The following RYR1 variants were observed in gnomAD, a reference collection of about 807,000 sequenced individuals.
The protein encoded by RYR1 is central core disease of muscle.
In RYR1, 342 loss-of-function variants were observed where a neutral mutation model predicts 583.5. The ratio of observed to expected loss-of-function variants is 0.59; its 90% CI spans 0.54 to 0.64. The LOEUF (loss-of-function observed/expected upper bound fraction) is 0.64. Ranked by LOEUF, RYR1 falls within the 30% of genes least tolerant of loss-of-function variation. The pLI, the probability that RYR1 is intolerant of heterozygous loss-of-function variation, is 0.00. For missense variants in RYR1, 6,032 were observed against 6,917.2 expected (o/e 0.87, Z 4.54); for synonymous variants, 2,791 against 2,822.5 (o/e 0.99, Z 0.35).
intron 38 of RYR1, 145 bp from the exon 39 acceptor site, chr19:38,494,206 CT>C: frequency 1.2e-6 from 1 of 864,118 alleles, no homozygotes; most frequent in Non-Finnish European, 1.9e-6. Flanking sequence ...TAGAATCTGC[CT>C]GCTCCCAGCA....
At position 38,546,504 on chromosome 19, in the gene RYR1, G is replaced by A. The variant is rs1334733640; in HGVS notation, c.12072G>A (p.Val4024=). 5.0e-6 allele frequency: 8 copies of A among 1,613,532 alleles called. No homozygotes were observed. The highest frequency in any genetic ancestry group is 3.3e-5 in the Admixed American group (2 of 59,904). ...TGGATCTGCAGAAGGACATGGTGGTGATGTTGCTGTCGCTACTAGAAGGTA... is the reference window on the plus strand; with the variant it reads ...TGGATCTGCAGAAGGACATGGTGGTAATGTTGCTGTCGCTACTAGAAGGTA... ...ELLDLQKDMV[V]MLLSLLEGNV... is the part of the protein sequence containing the mutation. The change falls in exon 88 of 106, where the codon GTG becomes GTA. Residue 4024 remains valine (V), a synonymous_variant. Transcript: ENST00000359596.
chr19:38,504,516 TG>T (rs1970351019), intron 50 of RYR1, among the ~76,000 whole-genome samples, 156 bp downstream of exon 50: 1 of 152,054 alleles, frequency 6.6e-6, no homozygotes. Flanking sequence ...GGCTTCGATT[TG>T]GAGGTTATGA....
chr19:38,536,728 C>T (rs754309691), intron 82 of RYR1, 22 bp from the exon 83 acceptor site: 2 of 1,613,916 alleles, frequency 1.2e-6, no homozygotes, highest in Non-Finnish European at 8.5e-7. Context: ...GCTTCCTCCT[C>T]CCATCCTGTT....
intron 89 of RYR1, among the ~76,000 whole-genome samples, chr19:38,557,895 G>A (rs1263077507): frequency 1.3e-5 from 2 of 151,714 alleles, no homozygotes; most frequent in South Asian, 2.1e-4. Context: ...CAGGAGAATC[G>A]CTTGAACCCG....
At chr19:38,556,817 G>T (rs148342732) in intron 89 of RYR1, among the ~76,000 whole-genome samples, 1 of 152,120 alleles carries the variant, frequency 6.6e-6, no homozygotes, top group Non-Finnish European at 1.5e-5. Flanking sequence ...CGTCCTTGTG[G>T]TGTCATTTCA....
In RYR1 at chr19:38,535,928, C is replaced by T. The variant is rs555760946; in HGVS notation, c.11517-69C>T. Reference sequence around the variant, plus strand: ...TCCAGGCTACCATGGTGGGGAGCTGCCAGGCCCTGGGAGAGAGGAGGGCAG... The same window carrying T: ...TCCAGGCTACCATGGTGGGGAGCTGTCAGGCCCTGGGAGAGAGGAGGGCAG... On this transcript the variant is annotated intron_variant, in intron 81 of 105. Transcript: ENST00000359596. The T allele has an allele frequency of 6.2e-6, 9 of 1,441,936 alleles. No homozygotes were observed. In the East Asian group the frequency reaches 2.1e-4, roughly 33 times the overall value. 89.3% of individuals were successfully genotyped at this position (1,441,936 alleles called of 1,614,324 possible).
rs1440143637 is a variant in RYR1 at position 38,510,513 on chromosome 19, G to A, written c.8948G>A (p.Ser2983Asn). 1 of 1,614,204 alleles carries A rather than the reference G, an allele frequency of 6.2e-7. No individual in the cohort carries two copies. The highest frequency in any genetic ancestry group is 1.1e-5 in the South Asian group (1 of 91,088). Residue 2983 changes from serine (S) to asparagine (N), a missense_variant, in exon 59 of 106, where the codon AGT becomes AAT. Around this residue, in one of 11 missense-constraint regions of RYR1, gnomAD observed 1,493 missense variants for 1,715.5 expected, o/e 0.87. Transcript: ENST00000359596. Reference sequence around the variant, plus strand: ...CTCCCTACAGAGGCTGTGGTCAGCAGTGGGCGAGTGGAAAAGTCCCCACAT... The same window carrying A: ...CTCCCTACAGAGGCTGTGGTCAGCAATGGGCGAGTGGAAAAGTCCCCACAT... ...FIAHLEAVVS[S>N]GRVEKSPHEQ...
intron 83 of RYR1, 22 bp downstream of exon 83, chr19:38,536,789 CG>C (rs760768421): frequency 1.2e-6 from 2 of 1,613,526 alleles, no homozygotes; most frequent in South Asian, 2.2e-5. Context: ...AGCCCACCCC[CG>C]TGCTGTGCTG....
intron 89 of RYR1, among the ~76,000 whole-genome samples, chr19:38,558,059 G>A (rs1006143002): frequency 5.9e-5 from 9 of 151,706 alleles, no homozygotes; most frequent in African/African-American, 2.2e-4. Flanking sequence ...CTGTAATCTC[G>A]ATACTTTGGG....
In RYR1 at chr19:38,539,315, G is replaced by A. The variant is rs182511392; in HGVS notation, c.11689+1355G>A. 5.8e-3 allele frequency among the ~76,000 whole-genome samples: 845 copies of A among 146,336 alleles called. 10 individuals are homozygous for A. The highest frequency in any genetic ancestry group is 5.7e-3 in the Non-Finnish European group (380 of 67,252). ...GAGTGCAGTGGTGTGATCACAGCTC[G>A]CTGCAACCTCTGCCTCCTGGGCTCA... is the stretch of plus-strand genomic sequence containing the variant. On this transcript the variant is annotated intron_variant, in intron 84 of 105. Coordinates refer to ENST00000359596, the MANE Select transcript of RYR1 (RefSeq NM_000540.3).
At chr19:38,520,693 C>CAAAA (rs71165555) in intron 67 of RYR1, among the ~76,000 whole-genome samples, 17 of 46,894 alleles carry the variant, frequency 3.6e-4, no homozygotes, top group African/African-American at 7.1e-4. Flanking sequence ...GGCTCCACCT[C>CAAAA]AAAAAAAAAA....
chr19:38,464,005 G>A (rs1026511586), intron 22 of RYR1, among the ~76,000 whole-genome samples, 155 bp downstream of exon 22: 7 of 151,892 alleles, frequency 4.6e-5, no homozygotes, highest in Non-Finnish European at 7.4e-5. Flanking sequence ...GGCCGGGCAC[G>A]GTGGCTCACA....
intron 99 of RYR1, among the ~76,000 whole-genome samples, chr19:38,579,137 G>A (rs1240199379): frequency 2.0e-5 from 3 of 151,626 alleles, no homozygotes; most frequent in Admixed American, 6.6e-5. Flanking sequence ...AAAACAGAGA[G>A]TGGCCAGGTG....
chr19:38,540,306 C>G (rs1972141136), intron 84 of RYR1, among the ~76,000 whole-genome samples: 1 of 150,606 alleles, frequency 6.6e-6, no homozygotes, highest in South Asian at 2.1e-4. Flanking sequence ...GAGACCCTGT[C>G]TCTACCAAAA....
chr19:38,448,788 T>G lies in RYR1; in HGVS notation c.1097T>G (p.Leu366Arg), dbSNP rs760395122. The G allele has an allele frequency of 2.5e-6, 4 of 1,614,064 alleles. No individual in the cohort carries two copies. The South Asian group carries it at 3.3e-5, about 13-fold the overall frequency. Residue 366 changes from leucine to arginine, a missense_variant, in exon 11 of 106, where the codon CTG becomes CGG. Leu to Arg is a moderately radical substitution (Grantham distance 102, BLOSUM62 -2). Coordinates refer to ENST00000359596, the MANE Select transcript of RYR1 (RefSeq NM_000540.3). ...LTYAAPDPKA[L>R]RLGVLKKKAM... ...TATGCTGCTCCAGACCCCAAGGCCC[T>G]GCGGCTCGGCGTGCTCAAGAAGAAG...
intron 39 of RYR1, among the ~76,000 whole-genome samples, chr19:38,495,670 G>A (rs1236808050): frequency 6.6e-6 from 1 of 152,090 alleles, no homozygotes; most frequent in Non-Finnish European, 1.5e-5. Context: ...AGGGCAACAT[G>A]GCAAAGATCT....
intron 89 of RYR1, among the ~76,000 whole-genome samples, chr19:38,552,782 G>A (rs889621339): frequency 4.6e-5 from 7 of 152,104 alleles, no homozygotes; most frequent in Admixed American, 1.3e-4. Context: ...CCCTACTCTC[G>A]AGCCTGGCAG....
intron 35 of RYR1, 116 bp downstream of exon 35, chr19:38,489,559 A>G: frequency 1.7e-6 from 2 of 1,150,964 alleles, no homozygotes; most frequent in Non-Finnish European, 2.6e-6. Flanking sequence ...GGAAATGCAT[A>G]TGGCAGTGAG....
At chr19:38,569,849 G>A (rs1453027672) in intron 93 of RYR1, among the ~76,000 whole-genome samples, 3 of 152,284 alleles carry the variant, frequency 2.0e-5, no homozygotes, top group Middle Eastern at 3.4e-3. Context: ...CCAGATGTTG[G>A]TATAAGCAAG....
Sources: gnomAD v4.1 joint callset for allele counts (sites outside exome capture counted in the v4.1 genomes callset) on GRCh38, gnomAD v4.1.1 for gene constraint, gnomAD v4.1.1 regional missense constraint, MANE v1.5 for transcripts, NCBI Gene and HGNC (gene_info 2026-07-23, HGNC 2026-07-21) for gene names.